The following IGF1R variants were observed in gnomAD, a reference collection of about 807,000 sequenced individuals.
IGF1R encodes insulin-like growth factor 1 receptor.
Under a neutral mutation model 144.6 loss-of-function variants are expected in IGF1R, and 44 were observed. That is an observed-to-expected ratio of 0.30 (90% CI 0.24 to 0.39). IGF1R has a LOEUF of 0.39. IGF1R is among the 10% of genes least tolerant of loss of function. IGF1R has a pLI of 1.00. For synonymous variants in IGF1R, 795 were observed against 722.8 expected (o/e 1.10, Z -1.60); for missense variants, 1,355 against 1,833.7 (o/e 0.74, Z 4.77).
intron 2 of IGF1R, among the ~76,000 whole-genome samples, chr15:98,830,674 G>A (rs1232769478): frequency 6.7e-6 from 1 of 149,524 alleles, no homozygotes; most frequent in East Asian, 2.0e-4. Flanking sequence ...CGCCATCTTG[G>A]CTCACTGCAA....
intron 12 of IGF1R, 133 bp downstream of exon 12, chr15:98,924,145 T>G (rs2015609059): frequency 2.1e-6 from 2 of 942,366 alleles, no homozygotes; most frequent in Non-Finnish European, 3.4e-6. Context: ...TTGGTGAGGA[T>G]TTGGGTCTTT....
rs537610387 is a variant in IGF1R, at chr15:98,670,338, G to C, written c.94+20663G>C. On this transcript the variant is annotated intron_variant, in intron 1 of 20. Coordinates refer to ENST00000650285, the MANE Select transcript of IGF1R (RefSeq NM_000875.5). ...AGAAGGATTATACTAGACTTGATGG[G>C]GTGGTCTTGGCATCAGAACTTTAAA... Among the ~76,000 whole-genome samples the C allele has an allele frequency of 2.0e-5, 3 of 152,194 alleles. No individual in the cohort carries two copies. In the South Asian group the frequency reaches 6.2e-4, roughly 32 times the overall value.
chr15:98,909,015 C>T (rs1051225333), intron 6 of IGF1R, 116 bp downstream of exon 6: 1 of 870,000 alleles, frequency 1.1e-6, no homozygotes, highest in African/African-American at 1.7e-5. Context: ...CATGGGGGAC[C>T]ACTAGACCAT....
intron 1 of IGF1R, among the ~76,000 whole-genome samples, chr15:98,666,667 C>T (rs1468101067): frequency 2.0e-5 from 3 of 152,052 alleles, no homozygotes; most frequent in East Asian, 1.9e-4. Flanking sequence ...GTTACCCTTA[C>T]GTGAGCTATG....
Position 98,707,854 on chromosome 15 carries a change from G to T in IGF1R, c.387G>T (p.Gly129=). The change falls in exon 2 of 21, where the codon GGG becomes GGT. Residue 129 remains glycine (G), a synonymous_variant. Transcript: ENST00000650285. This position sits in a 1 kb window ranked among gnomAD's most constrained non-coding sequence, Gnocchi z 6.7. ...IFEMTNLKDI[G]LYNLRNITRG... ...AGATGACCAATCTCAAGGATATTGG[G>T]CTTTACAACCTGAGGAACATTACTC... is the stretch of plus-strand genomic sequence containing the variant. The T allele has an allele frequency of 6.2e-7, 1 of 1,614,162 alleles. No homozygotes were observed. Among genetic ancestry groups the T allele is most frequent in the South Asian group, 1.1e-5 (1 of 91,080 alleles).
chr15:98,685,965 A>G (rs1018026945), intron 1 of IGF1R, among the ~76,000 whole-genome samples: 3 of 152,230 alleles, frequency 2.0e-5, no homozygotes, highest in Admixed American at 6.5e-5. Flanking sequence ...TTGTTGTGCA[A>G]CCATCACCAC....
At chr15:98,721,512 A>AGG (rs1320480757) in intron 2 of IGF1R, among the ~76,000 whole-genome samples, 1 of 152,090 alleles carries the variant, frequency 6.6e-6, no homozygotes, top group Non-Finnish European at 1.5e-5. Context: ...GGGAGGAGGA[A>AGG]GGGAAGGAGG....
intron 2 of IGF1R, among the ~76,000 whole-genome samples, chr15:98,726,712 A>ATTTTTTTTTT (rs756622481): frequency 6.4e-5 from 6 of 93,084 alleles, no homozygotes; most frequent in East Asian, 3.1e-4. Flanking sequence ...TACATTGATG[A>ATTTTTTTTTT]TTTTTTTTTT....
At chr15:98,886,323 T>C (rs1044735665) in intron 2 of IGF1R, among the ~76,000 whole-genome samples, 1 of 152,208 alleles carries the variant, frequency 6.6e-6, no homozygotes, top group Non-Finnish European at 1.5e-5. Context: ...GAAGGAGCTT[T>C]TAAGTGCAGT....
At chr15:98,841,174 T>C (rs2011168057) in intron 2 of IGF1R, among the ~76,000 whole-genome samples, 1 of 152,196 alleles carries the variant, frequency 6.6e-6, no homozygotes, top group Non-Finnish European at 1.5e-5. Context: ...AAGAAAAGTA[T>C]GTCCTGTGGT....
intron 2 of IGF1R, among the ~76,000 whole-genome samples, chr15:98,757,182 G>A (rs1006937675): frequency 2.0e-5 from 3 of 150,560 alleles, no homozygotes; most frequent in Non-Finnish European, 4.4e-5. Flanking sequence ...TTTTTTTTGA[G>A]ACAGAGTTTC....
At chr15:98,952,551 G>A (rs2016820917) in intron 20 of IGF1R, among the ~76,000 whole-genome samples, 1 of 152,212 alleles carries the variant, frequency 6.6e-6, no homozygotes, top group African/African-American at 2.4e-5. Context: ...CATGAAAGCA[G>A]GTGTGAGTTC....
At chr15:98,831,716 G>A (rs1356975212) in intron 2 of IGF1R, among the ~76,000 whole-genome samples, 2 of 152,192 alleles carry the variant, frequency 1.3e-5, no homozygotes, top group East Asian at 3.9e-4. Flanking sequence ...GGGGGTGTAG[G>A]AGTAAATGAT....
intron 2 of IGF1R, among the ~76,000 whole-genome samples, chr15:98,859,722 T>C (rs2012040539): frequency 6.6e-6 from 1 of 152,222 alleles, no homozygotes; most frequent in Non-Finnish European, 1.5e-5. Context: ...AAATGCATGA[T>C]TAACTGTATA....
intron 10 of IGF1R, among the ~76,000 whole-genome samples, chr15:98,917,749 A>G (rs1339470483): frequency 1.3e-5 from 2 of 152,242 alleles, no homozygotes; most frequent in Non-Finnish European, 1.5e-5. Flanking sequence ...CAGATAGTGT[A>G]TGATTTTATG....
intron 1 of IGF1R, among the ~76,000 whole-genome samples, chr15:98,650,463 C>A (rs1047130250): frequency 6.6e-6 from 1 of 152,228 alleles, no homozygotes; most frequent in Non-Finnish European, 1.5e-5. Context: ...GGGAGCGCCA[C>A]TGGGTCCCCA....
chr15:98,956,210 C>T (rs2016976321), intron 20 of IGF1R, among the ~76,000 whole-genome samples: 1 of 152,256 alleles, frequency 6.6e-6, no homozygotes, highest in South Asian at 2.1e-4. Flanking sequence ...CCATGTGACT[C>T]TGAGGGCCTC....
At chr15:98,682,889 C>G (rs1309321154) in intron 1 of IGF1R, among the ~76,000 whole-genome samples, 2 of 151,966 alleles carry the variant, frequency 1.3e-5, no homozygotes, top group African/African-American at 4.8e-5. Flanking sequence ...ATTTGGGTCT[C>G]AAATGTGATC....
chr15:98,833,315 G>C (rs1444523773), intron 2 of IGF1R, among the ~76,000 whole-genome samples: 3 of 152,148 alleles, frequency 2.0e-5, no homozygotes, highest in East Asian at 3.8e-4. Flanking sequence ...GGACTTTCCT[G>C]GTTGATTCAG....
Sources: gnomAD v4.1 joint callset for allele counts (sites outside exome capture counted in the v4.1 genomes callset) on GRCh38, gnomAD v4.1.1 for gene constraint, Gnocchi (gnomAD v3.1) non-coding constraint, MANE v1.5 for transcripts, NCBI Gene and HGNC (gene_info 2026-07-23, HGNC 2026-07-21) for gene names.